Variants in FLT1 observed in about 807,000 individuals in gnomAD.
FLT1 encodes vascular endothelial growth factor receptor 1.
FLT1 carries 49 observed loss-of-function variants against 156.3 expected under a neutral mutation model. The ratio of observed to expected loss-of-function variants is 0.31; its 90% CI spans 0.25 to 0.40. The LOEUF is 0.40. Among genes scored for constraint, FLT1 ranks in the 10% least tolerant of loss-of-function variants. FLT1 has a pLI of 1.00. For missense variants in FLT1, 1,322 were observed against 1,637.2 expected (o/e 0.81, Z 3.32); for synonymous variants, 594 against 583.8 (o/e 1.02, Z -0.25).
At chr13:28,329,822 A>G (rs1372756293) in intron 18 of FLT1, 94 bp from the exon 19 acceptor site, 1 of 1,016,328 alleles carries the variant, frequency 9.8e-7, no homozygotes, top group Admixed American at 2.0e-5. Flanking sequence ...GTCAATGCTC[A>G]GCCGGTTGCT....
intron 19 of FLT1, among the ~76,000 whole-genome samples, chr13:28,327,818 GGAA>G (rs1321911755): frequency 7.3e-5 from 11 of 150,662 alleles, no homozygotes; most frequent in Non-Finnish European, 1.6e-4. Context: ...AGAAAAGATT[GGAA>G]GAAGGACAGA....
At chr13:28,338,982 C>T (rs887690126) in intron 17 of FLT1, among the ~76,000 whole-genome samples, 186 bp downstream of exon 17, 2 of 152,208 alleles carry the variant, frequency 1.3e-5, no homozygotes, top group African/African-American at 4.8e-5. Flanking sequence ...TGCGTGTCAC[C>T]TTGTACTGTT....
intron 10 of FLT1, among the ~76,000 whole-genome samples, chr13:28,418,619 A>G (rs1006585881): frequency 2.6e-5 from 4 of 152,184 alleles, no homozygotes; most frequent in Non-Finnish European, 5.9e-5. Context: ...TCTGTCTCCC[A>G]GGCTGGAGTT....
intron 1 of FLT1, among the ~76,000 whole-genome samples, chr13:28,485,725 G>C (rs185349867): frequency 7.2e-5 from 11 of 152,282 alleles, no homozygotes; most frequent in African/African-American, 2.2e-4. Flanking sequence ...TGGTAGAGCG[G>C]TGTTGTAGGC....
chr13:28,375,974 A>G (rs1309359673), intron 14 of FLT1, among the ~76,000 whole-genome samples: 1 of 152,264 alleles, frequency 6.6e-6, no homozygotes, highest in Non-Finnish European at 1.5e-5. Context: ...TGATTAAGGA[A>G]TCAAGCAAAA....
intron 10 of FLT1, among the ~76,000 whole-genome samples, chr13:28,412,360 C>CT (rs1285077675): frequency 3.2e-5 from 3 of 95,188 alleles, no homozygotes; most frequent in Admixed American, 1.2e-4. Context: ...CTCTTTCTTT[C>CT]TTTCTTTCTT....
intron 19 of FLT1, 119 bp downstream of exon 19, chr13:28,329,496 G>A (rs937858078): frequency 3.0e-5 from 22 of 736,012 alleles, no homozygotes; most frequent in Admixed American, 6.0e-5. Flanking sequence ...AGCTATTAGG[G>A]AGGCCGTTTT....
At chr13:28,386,256 G>T in intron 13 of FLT1, 1 of 1,051,140 alleles carries the variant, frequency 9.5e-7, no homozygotes, top group African/African-American at 1.7e-5. Flanking sequence ...TTTGAGTCCT[G>T]CAGGGCAACT....
Position 28,334,050 on chromosome 13 carries a change from C to A in FLT1, c.2568G>T (p.Arg856=). The change falls in exon 18 of 30, where the codon CGG becomes CGT. Residue 856 remains arginine (R), a synonymous_variant. Coordinates refer to ENST00000282397, the MANE Select transcript of FLT1 (RefSeq NM_002019.4). ...AFGIKKSPTC[R]TVAVKMLKEG... Reference sequence around the variant, plus strand: ...CTTTCAGCATTTTCACAGCCACAGTCCGGCACGTAGGTGATTTCTTAATGC... The same window carrying A: ...CTTTCAGCATTTTCACAGCCACAGTACGGCACGTAGGTGATTTCTTAATGC... The A allele has an allele frequency of 6.2e-7, 1 of 1,612,614 alleles. No homozygotes were observed. Among genetic ancestry groups the A allele is most frequent in the South Asian group, 1.1e-5 (1 of 91,036 alleles).
chr13:28,396,877 G>T (rs1441504514), intron 12 of FLT1, 83 bp downstream of exon 12: 4 of 836,804 alleles, frequency 4.8e-6, no homozygotes, highest in Non-Finnish European at 8.3e-6. Context: ...AATCACTCAA[G>T]CTATAAATGC....
chr13:28,411,562 A>C (rs907909590), intron 10 of FLT1, among the ~76,000 whole-genome samples: 1 of 151,856 alleles, frequency 6.6e-6, no homozygotes, highest in Admixed American at 6.6e-5. Flanking sequence ...AAAAAAAAAA[A>C]AAAAAACTTA....
intron 10 of FLT1, among the ~76,000 whole-genome samples, chr13:28,419,450 T>C: frequency 6.6e-6 from 1 of 152,376 alleles, no homozygotes; most frequent in Middle Eastern, 3.4e-3. Flanking sequence ...ATTCAATTTT[T>C]AAAAATCTGT....
chr13:28,355,115 T>C (rs1464203237), intron 15 of FLT1, among the ~76,000 whole-genome samples: 3 of 152,188 alleles, frequency 2.0e-5, no homozygotes, highest in Non-Finnish European at 4.4e-5. Flanking sequence ...TGCAGACAAC[T>C]TCCTAAGGCA....
intron 10 of FLT1, among the ~76,000 whole-genome samples, chr13:28,415,852 T>C (rs1448353340): frequency 6.6e-6 from 1 of 152,246 alleles, no homozygotes; most frequent in Non-Finnish European, 1.5e-5. Flanking sequence ...CCCATTCTGA[T>C]TTCTTTGGAA....
chr13:28,333,953 T>C lies in FLT1; in HGVS notation c.2593+72A>G, dbSNP rs17086574. On this transcript the variant is annotated intron_variant, in intron 18 of 29. Transcript: ENST00000282397. ...CTTGTGTCTGTTCCCAGGCTATATCTAACTTGTACCAACATTTAGGAAATG... is the reference window on the plus strand; with the variant it reads ...CTTGTGTCTGTTCCCAGGCTATATCCAACTTGTACCAACATTTAGGAAATG... 3.1e-3 allele frequency: 3,014 copies of C among 963,262 alleles called. 63 individuals carry two copies. In the African/African-American group the frequency reaches 0.041, roughly 13 times the overall value. The allele number at this position is 963,262 out of a possible 1,614,324, so 59.7% of individuals were successfully genotyped here.
At chr13:28,347,366 T>C (rs1365148618) in intron 15 of FLT1, among the ~76,000 whole-genome samples, 2 of 141,780 alleles carry the variant, frequency 1.4e-5, no homozygotes, top group Non-Finnish European at 3.1e-5. Flanking sequence ...CTACTAAAAA[T>C]ACAAAAAAAA....
rs55927955 is a variant in FLT1 at position 28,494,902 on chromosome 13, G to A, written c.-59C>T. On this transcript the variant is annotated 5_prime_UTR_variant, in exon 1 of 30. Coordinates refer to ENST00000282397, the MANE Select transcript of FLT1 (RefSeq NM_002019.4). ...CGCGCTCCCCGCGGCCAACGACCCG[G>A]CCGCCAGAGTCCGTCCTCTCGTTCG... The A allele has an allele frequency of 0.078, 109,093 of 1,390,710 alleles. 5,548 individuals are homozygous for A. The highest frequency in any genetic ancestry group is 0.25 in the Admixed American group (11,324 of 45,720). 86.1% of individuals were successfully genotyped at this position (1,390,710 alleles called of 1,614,324 possible).
intron 14 of FLT1, among the ~76,000 whole-genome samples, chr13:28,358,315 G>A (rs1872979735): frequency 6.6e-6 from 1 of 152,208 alleles, no homozygotes; most frequent in Admixed American, 6.5e-5. Context: ...TGCCTGGGCT[G>A]TGTTTTAATC....
At chr13:28,454,794 T>C (rs935868134) in intron 3 of FLT1, among the ~76,000 whole-genome samples, 2 of 152,190 alleles carry the variant, frequency 1.3e-5, no homozygotes, top group African/African-American at 4.8e-5. Flanking sequence ...TAAAAGATTA[T>C]AGCAAGCTTG....
Sources: allele counts gnomAD v4.1 joint callset (sites outside exome capture counted in the v4.1 genomes callset), GRCh38; gene constraint gnomAD v4.1.1; transcripts MANE v1.5; gene names NCBI Gene and HGNC (gene_info 2026-07-23, HGNC 2026-07-21).